Variants in PGAP1 observed in about 807,000 individuals in gnomAD.
The protein encoded by PGAP1 is GPI inositol-deacylase.
A neutral mutation model predicts 127.0 loss-of-function variants in PGAP1; 76 were observed. The ratio of observed to expected loss-of-function variants is 0.60; its 90% CI spans 0.50 to 0.72. The LOEUF is 0.72. Ranked by LOEUF, PGAP1 falls within the 30% of genes least tolerant of loss-of-function variation. The probability of loss-of-function intolerance (pLI) is 0.00; values close to 1 mark genes in which losing one functional copy is unlikely to be tolerated. For synonymous variants in PGAP1, 362 were observed against 366.5 expected, an observed-to-expected ratio of 0.99 and a Z score of 0.14; for missense variants, 982 against 1,071.3, an observed-to-expected ratio of 0.92 and a Z score of 1.16.
chr2:196,849,875 C>G (rs753171952), intron 20 of PGAP1, among the ~76,000 whole-genome samples: 2 of 152,152 alleles, frequency 1.3e-5, no homozygotes, highest in East Asian at 3.9e-4. Context: ...CTGCTATACT[C>G]CAGGGAAGGT....
In PGAP1 at chr2:196,841,016, T is replaced by C; in HGVS notation, c.*218A>G. ...CACCATATATCCCTTCATGAATTTT[T>C]CAAAAATGATTACTACATGGATTCC... is the stretch of plus-strand genomic sequence containing the variant. On this transcript the variant is annotated 3_prime_UTR_variant, in exon 27 of 27. Coordinates refer to ENST00000354764, the MANE Select transcript of PGAP1 (RefSeq NM_024989.4). The C allele has an allele frequency of 2.0e-6, 1 of 487,804 alleles. No individual in the cohort carries two copies. Among genetic ancestry groups the C allele is most frequent in the Non-Finnish European group, 3.6e-6 (1 of 279,414 alleles). The allele number at this position is 487,804 out of a possible 1,614,324, so 30.2% of individuals were successfully genotyped here.
chr2:196,850,224 A>G (rs1700679185), intron 20 of PGAP1, among the ~76,000 whole-genome samples: 1 of 152,162 alleles, frequency 6.6e-6, no homozygotes, highest in Non-Finnish European at 1.5e-5. Flanking sequence ...CTAGTTTAGC[A>G]TCTTATCATT....
chr2:196,905,303 T>G (rs1702658441), intron 4 of PGAP1, among the ~76,000 whole-genome samples: 1 of 152,172 alleles, frequency 6.6e-6, no homozygotes, highest in Non-Finnish European at 1.5e-5. Flanking sequence ...AGCCTTTAAT[T>G]TTTTTCCTAA....
In PGAP1 at chr2:196,843,889, TA is replaced by T; in HGVS notation, c.2523del (p.Arg842GlyfsTer33). On this transcript the variant is annotated frameshift_variant and splice_region_variant, in exon 25 of 27. Transcript: ENST00000354764. LOFTEE classifies it high-confidence loss of function. ...MPSLIYWLKN[L>X]RYYFKLNPDP... is the part of the protein sequence containing the mutation. ...AATAATTATATCAATAAAACGCACCTAAGATTCTTTAGCCAATAAATTAGAG... is the reference window on the plus strand; with the variant it reads ...AATAATTATATCAATAAAACGCACCTAGATTCTTTAGCCAATAAATTAGAG... 1 of 1,510,586 alleles carries T rather than the reference TA, an allele frequency of 6.6e-7. No homozygotes were observed. Among genetic ancestry groups the T allele is most frequent in the Non-Finnish European group, 8.9e-7 (1 of 1,117,362 alleles). The allele number at this position is 1,510,586 out of a possible 1,614,324, so 93.6% of individuals were successfully genotyped here.
At chr2:196,844,372 CT>C in intron 24 of PGAP1, 151 bp downstream of exon 24, 1 of 551,852 alleles carries the variant, frequency 1.8e-6, no homozygotes, top group Non-Finnish European at 3.1e-6. Context: ...ACTTATAAGT[CT>C]TTTAAAATAT....
chr2:196,886,932 A>C (rs559307533), intron 10 of PGAP1, among the ~76,000 whole-genome samples: 2 of 151,972 alleles, frequency 1.3e-5, no homozygotes, highest in East Asian at 3.9e-4. Flanking sequence ...TCTTGACCTC[A>C]TGATCCGCCC....
chr2:196,890,855 A>T lies in PGAP1; in HGVS notation c.1146T>A (p.Thr382=). ...GCATAGTGCTCTGACAATAGACATG[A>T]GTGTAGATTTTTCTATGATTTTCAA... is the stretch of plus-strand genomic sequence containing the variant. ...FPLENHRKIY[T]HVYCQSTMLD... Residue 382 remains threonine (T), a synonymous_variant, in exon 10 of 27, where the codon ACT becomes ACA. Transcript: ENST00000354764. 1 of 1,550,964 alleles carries T rather than the reference A, an allele frequency of 6.4e-7. No homozygotes were observed. Among genetic ancestry groups the T allele is most frequent in the Non-Finnish European group, 8.9e-7 (1 of 1,123,054 alleles).
chr2:196,915,118 T>G (rs1384014287), intron 3 of PGAP1, among the ~76,000 whole-genome samples: 1 of 152,236 alleles, frequency 6.6e-6, no homozygotes, highest in Non-Finnish European at 1.5e-5. Context: ...TTCTTTGAAA[T>G]ATTTAAGTTA....
intron 1 of PGAP1, among the ~76,000 whole-genome samples, chr2:196,926,053 T>C (rs959831106): frequency 3.9e-5 from 6 of 151,962 alleles, no homozygotes; most frequent in Non-Finnish European, 8.8e-5. Context: ...AGGAAGGTCC[T>C]GGGGCACGGG....
chr2:196,913,004 C>A lies in PGAP1; in HGVS notation c.527G>T (p.Gly176Val). The A allele has an allele frequency of 6.2e-7, 1 of 1,613,402 alleles. No individual in the cohort carries two copies. Among genetic ancestry groups the A allele is most frequent in the Non-Finnish European group, 8.5e-7 (1 of 1,179,734 alleles). ...AAGCAATGCTCTTGCAACAAGGCCA[C>A]CCATAGAATGACCAATTATTGCCAC... ...KSVAIIGHSM[G>V]GLVARALLTL... Residue 176 changes from glycine (G) to valine (V), a missense_variant, in exon 4 of 27, where the codon GGT becomes GTT. Coordinates refer to ENST00000354764, the MANE Select transcript of PGAP1 (RefSeq NM_024989.4).
At chr2:196,871,163 G>A (rs977061843) in intron 18 of PGAP1, among the ~76,000 whole-genome samples, 184 bp from the exon 19 acceptor site, 2 of 152,158 alleles carry the variant, frequency 1.3e-5, no homozygotes, top group Non-Finnish European at 2.9e-5. Flanking sequence ...TTAAAGTAGA[G>A]TGTTACTGTT....
chr2:196,920,659 T>C (rs1703159248), intron 1 of PGAP1, among the ~76,000 whole-genome samples: 1 of 152,182 alleles, frequency 6.6e-6, no homozygotes. Context: ...CTTTCTGACT[T>C]CTCAACTTAA....
At position 196,926,623 on chromosome 2, in the gene PGAP1, G is replaced by GCCA. The variant is rs1030096478; in HGVS notation, c.-10_-8dup. On this transcript the variant is annotated 5_prime_UTR_variant, in exon 1 of 27. Coordinates refer to ENST00000354764, the MANE Select transcript of PGAP1 (RefSeq NM_024989.4). Reference sequence around the variant, plus strand: ...TAACTGAGTGAAGAAACATGGTGCCGCCACCACCGCCGCCGCCGCCGCCGC... The same window carrying GCCA: ...TAACTGAGTGAAGAAACATGGTGCCGCCACCACCACCGCCGCCGCCGCCGCCGC... The GCCA allele has an allele frequency of 2.5e-6, 4 of 1,613,264 alleles. No individual in the cohort carries two copies. Among genetic ancestry groups the GCCA allele is most frequent in the East Asian group, 2.2e-5 (1 of 44,868 alleles).
intron 1 of PGAP1, among the ~76,000 whole-genome samples, chr2:196,923,267 C>T (rs1324051370): frequency 1.3e-5 from 2 of 152,130 alleles, no homozygotes; most frequent in African/African-American, 4.8e-5. Flanking sequence ...TGTGTCCCAG[C>T]GCATTACCAC....
intron 20 of PGAP1, among the ~76,000 whole-genome samples, chr2:196,851,626 G>C (rs1430871365): frequency 6.6e-6 from 1 of 152,054 alleles, no homozygotes; most frequent in African/African-American, 2.4e-5. Flanking sequence ...ACCTTGAATA[G>C]GATTACTTTT....
At chr2:196,900,150 T>A (rs1349980537) in intron 5 of PGAP1, among the ~76,000 whole-genome samples, 1 of 152,206 alleles carries the variant, frequency 6.6e-6, no homozygotes, top group African/African-American at 2.4e-5. Context: ...TTCTTCCTTC[T>A]TGTGGTTGAA....
rs1480803779 is a variant in PGAP1, at chr2:196,837,274, C to T, written c.*3960G>A. On this transcript the variant is annotated 3_prime_UTR_variant, in exon 27 of 27. Coordinates refer to ENST00000354764, the MANE Select transcript of PGAP1 (RefSeq NM_024989.4). ...TTATTTCCCTTGGCCACAAAGGGTG[C>T]TAATAAACAGCAAGATGAAATGAAT... 2.0e-5 allele frequency: 3 copies of T among 152,068 alleles called. No individual in the cohort carries two copies. The highest frequency in any genetic ancestry group is 2.0e-4 in the Admixed American group (3 of 15,252). 9.4% of individuals were successfully genotyped at this position (152,068 alleles called of 1,614,324 possible). A position where few individuals can be genotyped will look rare whatever the true frequency, so the allele number is the denominator to read the frequency against.
At position 196,837,809 on chromosome 2, in the gene PGAP1, T is replaced by C. The variant is rs960066261; in HGVS notation, c.*3425A>G. 3 of 152,200 alleles carry C rather than the reference T, an allele frequency of 2.0e-5. No homozygotes were observed. The highest frequency in any genetic ancestry group is 7.2e-5 in the African/African-American group (3 of 41,450). 9.4% of individuals were successfully genotyped at this position (152,200 alleles called of 1,614,324 possible). ...TATATAATCATGTAGATTAGTAGTA[T>C]AGTTCACTCAAGAAGGGGTATTCCA... On this transcript the variant is annotated 3_prime_UTR_variant, in exon 27 of 27. Transcript: ENST00000354764.
chr2:196,835,525 G>A lies in PGAP1; in HGVS notation c.*5709C>T, dbSNP rs1206631319. The A allele has an allele frequency of 1.3e-5, 2 of 152,020 alleles. No individual in the cohort carries two copies. Among genetic ancestry groups the A allele is most frequent in the Admixed American group, 6.6e-5 (1 of 15,258 alleles). 9.4% of individuals were successfully genotyped at this position (152,020 alleles called of 1,614,324 possible). A position where few individuals can be genotyped will look rare whatever the true frequency, so the allele number is the denominator to read the frequency against. On this transcript the variant is annotated 3_prime_UTR_variant, in exon 27 of 27. Transcript: ENST00000354764. ...AACATTCAAGCAATCACACAAAATAGAACACACTAGGCTACAAATCTTGAA... is the reference window on the plus strand; with the variant it reads ...AACATTCAAGCAATCACACAAAATAAAACACACTAGGCTACAAATCTTGAA...
Sources: gnomAD v4.1 joint callset for allele counts (sites outside exome capture counted in the v4.1 genomes callset) on GRCh38, gnomAD v4.1.1 for gene constraint, MANE v1.5 for transcripts, NCBI Gene and HGNC (gene_info 2026-07-23, HGNC 2026-07-21) for gene names.